GREB1L: variants seen among roughly 807,000 people sequenced by gnomAD.
The protein encoded by GREB1L is GREB1-like protein.
GREB1L carries 17 observed loss-of-function variants against 200.8 expected under a neutral mutation model. That is an observed-to-expected ratio of 0.08 (90% CI 0.06 to 0.13). GREB1L has a LOEUF of 0.13. Among genes scored for constraint, GREB1L ranks in the 10% least tolerant of loss-of-function variants. GREB1L has a pLI of 1.00. For missense variants in GREB1L, 1,657 were observed against 2,367.7 expected (o/e 0.70, Z 6.23); for synonymous variants, 789 against 893.0 (o/e 0.88, Z 2.08).
rs2033156605 is a variant in GREB1L, at chr18:21,431,613, C to T, written c.833-7908C>T. ...TCTGCTTTTGTTGGTGAATATTCTACTGACGTCTTAGGCTTAGTTAGTTTA... is the reference window on the plus strand; with the variant it reads ...TCTGCTTTTGTTGGTGAATATTCTATTGACGTCTTAGGCTTAGTTAGTTTA... On this transcript the variant is annotated intron_variant, in intron 7 of 32. Coordinates refer to ENST00000424526, the MANE Select transcript of GREB1L (RefSeq NM_001142966.3). Among the ~76,000 whole-genome samples, 4 of 152,142 alleles carry T rather than the reference C, an allele frequency of 2.6e-5. No homozygotes were observed. In the South Asian group the frequency reaches 8.3e-4, roughly 32 times the overall value.
chr18:21,508,695 G>T lies in GREB1L; in HGVS notation c.4735+104G>T, dbSNP rs1469296697. On this transcript the variant is annotated intron_variant, in intron 27 of 32. Coordinates refer to ENST00000424526, the MANE Select transcript of GREB1L (RefSeq NM_001142966.3). The stretch of plus-strand genomic sequence containing the variant: ...TTCCCCTGCCTCTAGAAATTGTCCT[G>T]CCCTCCTCACCACTCTTCGGAAAAA... 4.2e-6 allele frequency: 3 copies of T among 710,474 alleles called. No individual in the cohort carries two copies. In the East Asian group the frequency reaches 9.7e-5, roughly 23 times the overall value. The allele number at this position is 710,474 out of a possible 1,614,324, so 44.0% of individuals were successfully genotyped here.
At chr18:21,301,962 A>G (rs2038624448) in intron 1 of GREB1L, among the ~76,000 whole-genome samples, 1 of 152,204 alleles carries the variant, frequency 6.6e-6, no homozygotes, top group Non-Finnish European at 1.5e-5. Context: ...ACTAAGGGAG[A>G]AAAAGGAGGA....
chr18:21,343,798 C>G (rs2039303207), intron 1 of GREB1L, among the ~76,000 whole-genome samples: 1 of 146,506 alleles, frequency 6.8e-6, no homozygotes, highest in Non-Finnish European at 1.5e-5. Context: ...TGCAGTGGCA[C>G]TGTCTTGGCT....
intron 1 of GREB1L, among the ~76,000 whole-genome samples, chr18:21,354,604 G>A (rs1352839002): frequency 6.6e-6 from 1 of 152,228 alleles, no homozygotes; most frequent in Non-Finnish European, 1.5e-5. Context: ...GCTTAAAAGT[G>A]AGTTAATTGT....
At chr18:21,394,930 C>CT (rs1287090422) in intron 4 of GREB1L, among the ~76,000 whole-genome samples, 2 of 92,216 alleles carry the variant, frequency 2.2e-5, no homozygotes, top group African/African-American at 1.3e-4. Context: ...TCCATCTCTA[C>CT]TAAAAAAAAA....
At chr18:21,351,983 G>C (rs969087178) in intron 1 of GREB1L, among the ~76,000 whole-genome samples, 1 of 152,042 alleles carries the variant, frequency 6.6e-6, no homozygotes, top group Non-Finnish European at 1.5e-5. Flanking sequence ...GAGTAGTTGG[G>C]ATTACAGGCA....
intron 1 of GREB1L, among the ~76,000 whole-genome samples, chr18:21,299,393 C>T (rs1429309804): frequency 1.3e-5 from 2 of 151,726 alleles, no homozygotes; most frequent in Non-Finnish European, 2.9e-5. Context: ...CTTTCAATGA[C>T]TCATTTCAAA....
At chr18:21,388,967 A>G (rs1382042560) in intron 4 of GREB1L, among the ~76,000 whole-genome samples, 1 of 151,968 alleles carries the variant, frequency 6.6e-6, no homozygotes, top group Non-Finnish European at 1.5e-5. Context: ...ATTTAACACT[A>G]TTGCTGTTGA....
chr18:21,436,620 T>C (rs968873221), intron 7 of GREB1L, among the ~76,000 whole-genome samples: 26 of 149,200 alleles, frequency 1.7e-4, no homozygotes, highest in African/African-American at 6.2e-4. Flanking sequence ...GGTGACAGAA[T>C]GAGAATCTAT....
chr18:21,515,151 CTT>C (rs1286273418), intron 28 of GREB1L, among the ~76,000 whole-genome samples: 1 of 152,196 alleles, frequency 6.6e-6, no homozygotes, highest in African/African-American at 2.4e-5. Flanking sequence ...TTTGGCAACT[CTT>C]TATTCACTGT....
intron 18 of GREB1L, among the ~76,000 whole-genome samples, chr18:21,487,586 G>A (rs1267599431): frequency 2.0e-5 from 3 of 152,204 alleles, no homozygotes; most frequent in Admixed American, 6.5e-5. Flanking sequence ...TCCTTGCAAT[G>A]TGTGAAGACC....
chr18:21,308,567 GC>G (rs2038740123), intron 1 of GREB1L, among the ~76,000 whole-genome samples: 2 of 152,324 alleles, frequency 1.3e-5, no homozygotes, highest in South Asian at 4.1e-4. Context: ...GATGGGCTTT[GC>G]CCTAATTCAT....
In GREB1L at chr18:21,411,655, C is replaced by T. The variant is rs141852417; in HGVS notation, c.832+7661C>T. On this transcript the variant is annotated intron_variant, in intron 7 of 32. Coordinates refer to ENST00000424526, the MANE Select transcript of GREB1L (RefSeq NM_001142966.3). ...GATCCAGCTACTCCATTCTAGGGAA[C>T]TTTTTGTATATGTGCACCAAGAGGT... is the stretch of plus-strand genomic sequence containing the variant. Among the ~76,000 whole-genome samples, 315 of 152,296 alleles carry T rather than the reference C, an allele frequency of 2.1e-3. 2 individuals carry two copies. Among genetic ancestry groups the T allele is most frequent in the East Asian group, 0.017 (88 of 5,186 alleles).
intron 18 of GREB1L, among the ~76,000 whole-genome samples, chr18:21,488,828 T>A (rs1239823739): frequency 1.3e-5 from 2 of 152,152 alleles, no homozygotes; most frequent in Non-Finnish European, 2.9e-5. Context: ...AGCTAATTTT[T>A]ATATTTTTAG....
intron 7 of GREB1L, among the ~76,000 whole-genome samples, chr18:21,436,503 G>A (rs956524510): frequency 2.0e-4 from 30 of 152,026 alleles, no homozygotes; most frequent in Admixed American, 2.0e-3. Context: ...GTGTGGTTAT[G>A]TGCACCTGTG....
intron 1 of GREB1L, among the ~76,000 whole-genome samples, chr18:21,253,721 T>C (rs2037751591): frequency 6.6e-6 from 1 of 152,222 alleles, no homozygotes; most frequent in Non-Finnish European, 1.5e-5. Flanking sequence ...TGAACTGTTA[T>C]TGCAGTTCTG....
chr18:21,336,405 A>G (rs1458070555), intron 1 of GREB1L, among the ~76,000 whole-genome samples: 1 of 152,196 alleles, frequency 6.6e-6, no homozygotes, highest in Non-Finnish European at 1.5e-5. Context: ...TGACCTGCGT[A>G]GCTGCCATAG....
intron 1 of GREB1L, among the ~76,000 whole-genome samples, chr18:21,313,836 C>G (rs2144827240): frequency 6.6e-6 from 1 of 152,322 alleles, no homozygotes; most frequent in South Asian, 2.1e-4. Context: ...GGTTTATGTT[C>G]TTTCCCAAAG....
intron 2 of GREB1L, among the ~76,000 whole-genome samples, chr18:21,366,738 T>C (rs988604045): frequency 4.0e-5 from 6 of 151,254 alleles, no homozygotes; most frequent in Non-Finnish European, 7.4e-5. Flanking sequence ...TTCTCTCCTT[T>C]TGGAAGTTAC....
Sources: allele counts gnomAD v4.1 joint callset (sites outside exome capture counted in the v4.1 genomes callset), GRCh38; gene constraint gnomAD v4.1.1; transcripts MANE v1.5; gene names NCBI Gene and HGNC (gene_info 2026-07-23, HGNC 2026-07-21).